The following GRM3 variants were observed in gnomAD, a reference collection of about 807,000 sequenced individuals.
GRM3 encodes metabotropic glutamate receptor 3.
In GRM3, 26 loss-of-function variants were observed where a neutral mutation model predicts 70.5. That is an observed-to-expected ratio of 0.37 (90% CI 0.27 to 0.51). The LOEUF is 0.51. Among genes scored for constraint, GRM3 ranks in the 20% least tolerant of loss-of-function variants. The pLI is 0.93. For synonymous variants in GRM3, 443 were observed against 434.9 expected (o/e 1.02, Z -0.23); for missense variants, 859 against 1,123.8 (o/e 0.76, Z 3.37).
At position 86,646,006 on chromosome 7, in the gene GRM3, T is replaced by A. The variant is rs2695806; in HGVS notation, c.-141+1134T>A. ...GGGCGGGGGGGTGGGGGTGGGGGGGTGGGGGGGGGTGGGAGGGAGTTTAGG... is the reference window on the plus strand; with the variant it reads ...GGGCGGGGGGGTGGGGGTGGGGGGGAGGGGGGGGGTGGGAGGGAGTTTAGG... On this transcript the variant is annotated intron_variant, in intron 1 of 5. Coordinates refer to ENST00000361669, the MANE Select transcript of GRM3 (RefSeq NM_000840.3). Among the ~76,000 whole-genome samples the A allele has an allele frequency of 9.7e-3, 103 of 10,600 alleles. 8 individuals carry two copies. In the East Asian group the frequency reaches 0.1, roughly 11 times the overall value. The allele number at this position is 10,600 out of a possible 152,430, so 7.0% of individuals were successfully genotyped here.
intron 1 of GRM3, among the ~76,000 whole-genome samples, chr7:86,763,290 T>G (rs1348515647): frequency 6.6e-6 from 1 of 152,110 alleles, no homozygotes; most frequent in Non-Finnish European, 1.5e-5. Flanking sequence ...CACAAGGGCA[T>G]GTGGCTGCAA....
intron 3 of GRM3, among the ~76,000 whole-genome samples, chr7:86,810,423 ATGT>A: frequency 6.6e-6 from 1 of 152,080 alleles, no homozygotes; most frequent in Admixed American, 6.6e-5. Flanking sequence ...CTGAAAAAAA[ATGT>A]TGATATACCT....
chr7:86,826,392 G>A lies in GRM3; in HGVS notation c.1325-12447G>A, dbSNP rs143091711. Among the ~76,000 whole-genome samples, 215 of 152,306 alleles carry A rather than the reference G, an allele frequency of 1.4e-3. 4 individuals are homozygous for A. In the East Asian group the frequency reaches 0.038, roughly 27 times the overall value. On this transcript the variant is annotated intron_variant, in intron 3 of 5. Coordinates refer to ENST00000361669, the MANE Select transcript of GRM3 (RefSeq NM_000840.3). ...GCTTCTTTCCTAAGAGCTGATTGAA[G>A]AGGAGATGTGCAGCTGGCTGACTGG... is the stretch of plus-strand genomic sequence containing the variant.
intron 1 of GRM3, among the ~76,000 whole-genome samples, chr7:86,714,047 C>T (rs573085037): frequency 2.0e-5 from 3 of 151,906 alleles, no homozygotes; most frequent in Non-Finnish European, 4.4e-5. Flanking sequence ...GCTGAGCCTC[C>T]TTACATCACA....
chr7:86,693,821 G>A (rs948985336), intron 1 of GRM3, among the ~76,000 whole-genome samples: 6 of 152,210 alleles, frequency 3.9e-5, no homozygotes, highest in African/African-American at 1.2e-4. Flanking sequence ...AGATCTGGAA[G>A]TACCAGAAAG....
chr7:86,830,187 A>G (rs1189264435), intron 3 of GRM3, among the ~76,000 whole-genome samples: 1 of 152,172 alleles, frequency 6.6e-6, no homozygotes, highest in Non-Finnish European at 1.5e-5. Context: ...AAATGCCATG[A>G]AGTTACCACT....
At chr7:86,805,904 G>A (rs781269966) in intron 3 of GRM3, among the ~76,000 whole-genome samples, 14 of 62,826 alleles carry the variant, frequency 2.2e-4, no homozygotes, top group South Asian at 1.0e-3. Context: ...CCCCCTCCCC[G>A]CACCCCACGA....
At chr7:86,648,128 T>G (rs1793520415) in intron 1 of GRM3, among the ~76,000 whole-genome samples, 1 of 152,172 alleles carries the variant, frequency 6.6e-6, no homozygotes, top group South Asian at 2.1e-4. Context: ...AAGATGGCAA[T>G]TCTATGTCCA....
At chr7:86,781,873 G>A (rs1251291441) in intron 2 of GRM3, among the ~76,000 whole-genome samples, 2 of 152,090 alleles carry the variant, frequency 1.3e-5, no homozygotes, top group South Asian at 2.1e-4. Context: ...CTTTGAGTAC[G>A]TTTAACTGTA....
intron 1 of GRM3, among the ~76,000 whole-genome samples, chr7:86,746,713 A>T (rs1333202963): frequency 2.6e-5 from 4 of 152,016 alleles, no homozygotes; most frequent in African/African-American, 9.7e-5. Flanking sequence ...CACGGGGCTT[A>T]TATATCACTT....
At chr7:86,847,088 A>G (rs1798669065) in intron 4 of GRM3, among the ~76,000 whole-genome samples, 1 of 152,158 alleles carries the variant, frequency 6.6e-6, no homozygotes, top group Non-Finnish European at 1.5e-5. Flanking sequence ...ATCACAGGAG[A>G]GGAACTCTGA....
chr7:86,810,346 A>G (rs939853342), intron 3 of GRM3, among the ~76,000 whole-genome samples: 2 of 152,020 alleles, frequency 1.3e-5, no homozygotes, highest in Admixed American at 6.6e-5. Context: ...TAAGAATAAC[A>G]TGGATATGAT....
intron 1 of GRM3, among the ~76,000 whole-genome samples, chr7:86,750,841 C>T (rs1248786458): frequency 6.6e-6 from 1 of 151,996 alleles, no homozygotes; most frequent in African/African-American, 2.4e-5. Context: ...GCAACTAGGA[C>T]TTGGCGAAAG....
At chr7:86,764,829 T>C (rs1181245401) in intron 1 of GRM3, among the ~76,000 whole-genome samples, 177 bp from the exon 2 acceptor site, 1 of 152,042 alleles carries the variant, frequency 6.6e-6, no homozygotes, top group African/African-American at 2.4e-5. Flanking sequence ...AACTACATCA[T>C]AGAGTGTGTA....
At chr7:86,696,357 A>G (rs917999812) in intron 1 of GRM3, among the ~76,000 whole-genome samples, 2 of 136,840 alleles carry the variant, frequency 1.5e-5, no homozygotes, top group Non-Finnish European at 3.2e-5. Context: ...ACAATGTGAC[A>G]ATAGTAAAGA....
intron 1 of GRM3, among the ~76,000 whole-genome samples, chr7:86,760,429 T>C (rs1796450712): frequency 6.6e-6 from 1 of 152,042 alleles, no homozygotes; most frequent in South Asian, 2.1e-4. Context: ...TCACTCATCA[T>C]CCCCGAATGG....
At chr7:86,748,808 C>T (rs1347863458) in intron 1 of GRM3, among the ~76,000 whole-genome samples, 1 of 151,994 alleles carries the variant, frequency 6.6e-6, no homozygotes, top group African/African-American at 2.4e-5. Context: ...ACTCAAAGTC[C>T]TCAAAAGAAT....
rs1562854592 is a variant in GRM3, at chr7:86,767,539, ATATATATATATATATATAT to A, written c.468+1927_468+1945del. Among the ~76,000 whole-genome samples, 11 of 140,864 alleles carry A rather than the reference ATATATATATATATATATAT, an allele frequency of 7.8e-5. No homozygotes were observed. In the East Asian group the frequency reaches 2.5e-3, roughly 32 times the overall value. 92.4% of individuals were successfully genotyped at this position (140,864 alleles called of 152,430 possible). On this transcript the variant is annotated intron_variant, in intron 2 of 5. Transcript: ENST00000361669. ...CATATATATATATATATATATATAT[ATATATATATATATATATAT>A]AAATGAAGTATGAAACATTTCATAT...
intron 1 of GRM3, among the ~76,000 whole-genome samples, chr7:86,760,295 C>G (rs1796447310): frequency 6.6e-6 from 1 of 151,944 alleles, no homozygotes; most frequent in Admixed American, 6.6e-5. Context: ...GCTTTCAGTT[C>G]ATATATTGCA....
Sources: allele counts gnomAD v4.1 joint callset (sites outside exome capture counted in the v4.1 genomes callset), GRCh38; gene constraint gnomAD v4.1.1; transcripts MANE v1.5; gene names NCBI Gene and HGNC (gene_info 2026-07-23, HGNC 2026-07-21).